Variants in MYH16 observed in about 807,000 individuals in gnomAD.
The protein encoded by MYH16 is myosin heavy chain 16, also known as putative uncharacterized protein MYH16.
At chr7:99,300,050 C>T (rs1057188185) in intron 37 of MYH16, among the ~76,000 whole-genome samples, 16 of 151,802 alleles carry the variant, frequency 1.1e-4, no homozygotes, top group African/African-American at 3.9e-4. Flanking sequence ...ACCTCTGCCT[C>T]CCAGGTTCAA....
At chr7:99,294,716 C>G (rs562192732) in intron 33 of MYH16, among the ~76,000 whole-genome samples, 27 of 151,680 alleles carry the variant, frequency 1.8e-4, no homozygotes, top group Non-Finnish European at 3.2e-4. Context: ...CAGTGCCCAC[C>G]ACCACGCCCA....
intron 32 of MYH16, 115 bp from the exon 14 acceptor site, chr7:99,293,903 A>C (rs1230362721): frequency 3.0e-6 from 1 of 335,008 alleles, no homozygotes; most frequent in African/African-American, 2.2e-5. Context: ...CATCGTTTCC[A>C]ATGTTGACAC....
intron 20 of MYH16, 147 bp downstream of exon 2, chr7:99,273,570 T>G (rs1177449150): frequency 1.3e-5 from 5 of 379,052 alleles, no homozygotes; most frequent in Non-Finnish European, 2.6e-5. Context: ...AAATCTAGCC[T>G]CTGTCCAGAC....
chr7:99,285,225 C>G (rs528653465), intron 26 of MYH16, among the ~76,000 whole-genome samples, 157 bp from the exon 9 acceptor site: 1 of 152,220 alleles, frequency 6.6e-6, no homozygotes, highest in Non-Finnish European at 1.5e-5. Context: ...CTGCCTGCCC[C>G]GGCACCTTTG....
intron 1 of MYH16, among the ~76,000 whole-genome samples, chr7:99,241,609 C>A (rs1791667909): frequency 6.6e-6 from 1 of 151,990 alleles, no homozygotes; most frequent in South Asian, 2.1e-4. Context: ...CAAAAACAAA[C>A]AAACAAAAAA....
chr7:99,262,824 T>C (rs1791950314), intron 13 of MYH16, among the ~76,000 whole-genome samples: 1 of 152,220 alleles, frequency 6.6e-6, no homozygotes, highest in African/African-American at 2.4e-5. Context: ...TGTAAGACAG[T>C]GTGCATGCTC....
intron 23 of MYH16, among the ~76,000 whole-genome samples, chr7:99,282,626 C>T (rs1200726123): frequency 6.7e-6 from 1 of 149,802 alleles, no homozygotes; most frequent in Admixed American, 6.6e-5. Flanking sequence ...GCATGTACCA[C>T]TGCACCCCAC....
In MYH16 at chr7:99,269,964, C is replaced by T. The variant is rs377158431; in HGVS notation, n.2267-993C>T. On this transcript the variant is annotated intron_variant and non_coding_transcript_variant, in intron 18 of 41. Transcript: ENST00000439784. ...TCTTGGCTCACTGCAACCTCCGCCT[C>T]CCGGGTTTAAGCGATTCTCCTGCCT... Among the ~76,000 whole-genome samples the T allele has an allele frequency of 6.0e-5, 9 of 150,672 alleles. No homozygotes were observed. In the East Asian group the frequency reaches 1.4e-3, roughly 23 times the overall value.
intron 25 of MYH16, 86 bp downstream of exon 7, chr7:99,284,104 A>G: frequency 2.7e-6 from 1 of 375,050 alleles, no homozygotes; most frequent in Non-Finnish European, 5.3e-6. Flanking sequence ...CAGGCACTGT[A>G]TGGAGAGCCT....
Position 99,294,554 on chromosome 7 carries a change from AATAT to A in MYH16, n.4282+415_4282+418del, listed in dbSNP as rs1554339324. 2.3e-5 allele frequency among the ~76,000 whole-genome samples: 3 copies of A among 132,882 alleles called. No homozygotes were observed. In the Admixed American group the frequency reaches 2.5e-4, roughly 11 times the overall value. 87.2% of individuals were successfully genotyped at this position (132,882 alleles called of 152,430 possible). A position where few individuals can be genotyped will look rare whatever the true frequency, so the allele number is the denominator to read the frequency against. ...AAGAAAAAGAAAAAAAGAAAAAAAA[AATAT>A]ATATATATATTTTTTTTCTTTTTTG... is the stretch of plus-strand genomic sequence containing the variant. On this transcript the variant is annotated intron_variant and non_coding_transcript_variant, in intron 33 of 41. Coordinates refer to ENST00000439784, the Ensembl canonical transcript of MYH16.
At chr7:99,300,245 C>T (rs1350092533) in intron 37 of MYH16, among the ~76,000 whole-genome samples, 1 of 152,166 alleles carries the variant, frequency 6.6e-6, no homozygotes, top group East Asian at 1.9e-4. Context: ...CAGGCGTGAG[C>T]CACCACGCCC....
At chr7:99,277,971 C>A (rs1792142302) in intron 21 of MYH16, among the ~76,000 whole-genome samples, 1 of 142,208 alleles carries the variant, frequency 7.0e-6, no homozygotes, top group Admixed American at 7.0e-5. Context: ...GACAGACAGA[C>A]AGACAGCGAC....
At chr7:99,268,138 G>A (rs2150814311) in intron 18 of MYH16, among the ~76,000 whole-genome samples, 1 of 152,322 alleles carries the variant, frequency 6.6e-6, no homozygotes, top group Admixed American at 6.5e-5. Flanking sequence ...CTCTGTGTGT[G>A]TGGAATTGTA....
At chr7:99,279,486 G>A (rs1233360280) in intron 21 of MYH16, 24 bp from the exon 4 acceptor site, 1 of 454,458 alleles carries the variant, frequency 2.2e-6, no homozygotes, top group Non-Finnish European at 4.4e-6. Flanking sequence ...CCCTGTCCTC[G>A]ACCGGGGCTC....
At chr7:99,279,607 TGGA>T (rs1468649870) in exon 22 of MYH16, 8 of 456,424 alleles carry the variant, frequency 1.8e-5, no homozygotes, top group Admixed American at 9.4e-5. Context: ...CGGGAGCGGC[TGGA>T]GGAGGAAGAG....
At chr7:99,241,788 G>A (rs893525597) in intron 1 of MYH16, among the ~76,000 whole-genome samples, 7 of 151,796 alleles carry the variant, frequency 4.6e-5, no homozygotes, top group African/African-American at 7.3e-5. Context: ...CAGCCAAAAG[G>A]TATTTGTTTT....
At chr7:99,310,001 G>A (rs907244209), downstream of MYH16, among the ~76,000 whole-genome samples, 2 of 151,802 alleles carry the variant, frequency 1.3e-5, no homozygotes, top group African/African-American at 2.4e-5. Context: ...TGGGCAACAA[G>A]AGTGAGAGTC....
At chr7:99,301,124 G>A (rs1792587420) in intron 37 of MYH16, among the ~76,000 whole-genome samples, 1 of 147,216 alleles carries the variant, frequency 6.8e-6, no homozygotes, top group Non-Finnish European at 1.5e-5. Context: ...GAACCCGGGA[G>A]GCGGAGATTG....
chr7:99,258,130 A>T (rs1175551795), exon 11 of MYH16: 1 of 152,632 alleles, frequency 6.6e-6, no homozygotes, highest in Non-Finnish European at 1.5e-5. Context: ...AGTGGCTGAC[A>T]AAGTCGCCCA....
Sources: allele counts gnomAD v4.1 joint callset (sites outside exome capture counted in the v4.1 genomes callset), GRCh38; gene constraint gnomAD v4.1.1; transcripts MANE v1.5; gene names NCBI Gene and HGNC (gene_info 2026-07-23, HGNC 2026-07-21).